The following HAPLN1 variants were observed in gnomAD, a reference collection of about 807,000 sequenced individuals.
The protein encoded by HAPLN1 is Cartilage link protein.
In HAPLN1, 13 loss-of-function variants were observed where a neutral mutation model predicts 36.5. That is an observed-to-expected ratio of 0.36 (90% confidence interval 0.23 to 0.57). The LOEUF (loss-of-function observed/expected upper bound fraction) is 0.57, where lower values mean the gene tolerates loss of function less well. Among genes scored for constraint, HAPLN1 ranks in the 20% least tolerant of loss-of-function variants. The pLI is 0.83. For synonymous variants in HAPLN1, 202 were observed against 169.8 expected (o/e 1.19, Z -1.48); for missense variants, 407 against 439.7 (o/e 0.93, Z 0.66).
intron 1 of HAPLN1, among the ~76,000 whole-genome samples, chr5:83,690,201 C>T (rs964761449): frequency 6.6e-6 from 1 of 151,970 alleles, no homozygotes; most frequent in Non-Finnish European, 1.5e-5. Context: ...CTGAAAATAC[C>T]CTAGACTGTT....
chr5:83,701,488 T>C (rs1298780340), intron 1 of HAPLN1, among the ~76,000 whole-genome samples: 1 of 152,196 alleles, frequency 6.6e-6, no homozygotes, highest in African/African-American at 2.4e-5. Flanking sequence ...TAGGTGGGTG[T>C]TTGGAACACA....
intron 1 of HAPLN1, among the ~76,000 whole-genome samples, chr5:83,697,261 T>C (rs1751409720): frequency 6.6e-6 from 1 of 152,130 alleles, no homozygotes; most frequent in Non-Finnish European, 1.5e-5. Context: ...TAGAGACAGA[T>C]GTATTGACTG....
Position 83,639,641 on chromosome 5 carries a change from G to T in HAPLN1, c.*1855C>A, listed in dbSNP as rs1749622682. Reference sequence around the variant, plus strand: ...TATCATCTCATCCTAGACCATTTAGGTATCTTCCTTAATTTAGAAGTGCAA... The same window carrying T: ...TATCATCTCATCCTAGACCATTTAGTTATCTTCCTTAATTTAGAAGTGCAA... On this transcript the variant is annotated 3_prime_UTR_variant, in exon 5 of 5. Coordinates refer to ENST00000274341, the MANE Select transcript of HAPLN1 (RefSeq NM_001884.4). 1 of 151,906 alleles carries T rather than the reference G, an allele frequency of 6.6e-6. No individual in the cohort carries two copies. The highest frequency in any genetic ancestry group is 2.4e-5 in the African/African-American group (1 of 41,398). The allele number at this position is 151,906 out of a possible 1,614,324, so 9.4% of individuals were successfully genotyped here.
At chr5:83,698,946 C>A (rs1284330430) in intron 1 of HAPLN1, among the ~76,000 whole-genome samples, 1 of 152,164 alleles carries the variant, frequency 6.6e-6, no homozygotes, top group African/African-American at 2.4e-5. Context: ...TAAAGAGCAG[C>A]ATCTCTTGAT....
chr5:83,673,672 G>A, intron 1 of HAPLN1, 123 bp from the exon 2 acceptor site: 1 of 622,722 alleles, frequency 1.6e-6, no homozygotes, highest in Non-Finnish European at 2.8e-6. Flanking sequence ...AACCCAATCT[G>A]TTCAGAAAGT....
intron 1 of HAPLN1, among the ~76,000 whole-genome samples, chr5:83,686,298 T>C (rs1751123468): frequency 6.6e-6 from 1 of 152,158 alleles, no homozygotes; most frequent in Admixed American, 6.5e-5. Context: ...GAGAAAATTA[T>C]GACAGGTAAA....
intron 1 of HAPLN1, among the ~76,000 whole-genome samples, chr5:83,713,318 A>T (rs1751838207): frequency 6.6e-6 from 1 of 152,196 alleles, no homozygotes; most frequent in East Asian, 1.9e-4. Context: ...CACCTTCTAT[A>T]TGCAGAGGAC....
At chr5:83,650,267 A>C (rs1461560371) in intron 3 of HAPLN1, among the ~76,000 whole-genome samples, 1 of 152,220 alleles carries the variant, frequency 6.6e-6, no homozygotes, top group Admixed American at 6.5e-5. Context: ...ATCTTAGAAA[A>C]GGTGTTTGTC....
chr5:83,711,173 C>T (rs1751775518), intron 1 of HAPLN1, among the ~76,000 whole-genome samples: 1 of 151,990 alleles, frequency 6.6e-6, no homozygotes, highest in Admixed American at 6.6e-5. Context: ...AGACCAGAGG[C>T]TAGTTTTAGG....
intron 3 of HAPLN1, among the ~76,000 whole-genome samples, chr5:83,646,504 C>T (rs7720913): frequency 0.06 from 9,075 of 152,254 alleles, 774 homozygotes; most frequent in African/African-American, 0.19. Flanking sequence ...CAAGTCACAT[C>T]CACTGAAGGC....
At chr5:83,702,443 T>C in intron 1 of HAPLN1, among the ~76,000 whole-genome samples, 1 of 152,300 alleles carries the variant, frequency 6.6e-6, no homozygotes, top group Non-Finnish European at 1.5e-5. Flanking sequence ...CTGTAGAGCA[T>C]CTACAAAAGA....
At chr5:83,643,548 C>A (rs1749766796) in intron 4 of HAPLN1, among the ~76,000 whole-genome samples, 1 of 151,984 alleles carries the variant, frequency 6.6e-6, no homozygotes, top group Admixed American at 6.6e-5. Context: ...TCCGCTGTCA[C>A]CATCTTAAAA....
chr5:83,693,335 C>A (rs1450980591), intron 1 of HAPLN1, among the ~76,000 whole-genome samples: 1 of 151,626 alleles, frequency 6.6e-6, no homozygotes, highest in Non-Finnish European at 1.5e-5. Flanking sequence ...AACAAAGACT[C>A]ATAACTAATA....
At chr5:83,663,822 A>G (rs1348429272) in intron 2 of HAPLN1, among the ~76,000 whole-genome samples, 2 of 140,882 alleles carry the variant, frequency 1.4e-5, no homozygotes, top group African/African-American at 5.2e-5. Context: ...TTTTTTTTCA[A>G]ATTGGTTCAT....
chr5:83,667,929 A>C (rs1750599096), intron 2 of HAPLN1, among the ~76,000 whole-genome samples: 1 of 152,252 alleles, frequency 6.6e-6, no homozygotes, highest in Non-Finnish European at 1.5e-5. Flanking sequence ...TGTGGGAGCC[A>C]TGCACAAGAC....
chr5:83,708,782 TA>T (rs1401806023), intron 1 of HAPLN1, among the ~76,000 whole-genome samples: 2 of 152,148 alleles, frequency 1.3e-5, no homozygotes, highest in African/African-American at 4.8e-5. Flanking sequence ...TCTGCTACAT[TA>T]AAAATATTTA....
intron 2 of HAPLN1, among the ~76,000 whole-genome samples, chr5:83,670,298 T>C (rs576529905): frequency 1.3e-3 from 194 of 152,308 alleles, no homozygotes; most frequent in Admixed American, 2.0e-3. Flanking sequence ...AGTAGCCACA[T>C]TGTGACATGA....
chr5:83,664,974 T>C (rs1039474048), intron 2 of HAPLN1, among the ~76,000 whole-genome samples: 4 of 152,194 alleles, frequency 2.6e-5, no homozygotes, highest in African/African-American at 9.6e-5. Context: ...AGACCCTTTG[T>C]TAATGACTGT....
At position 83,640,507 on chromosome 5, in the gene HAPLN1, A is replaced by G. The variant is rs1475166847; in HGVS notation, c.*989T>C. ...AAAGTTGCATCTTTGTTTCTGCATT[A>G]GGGATTCCTTTTATAATGTAATTGA... On this transcript the variant is annotated 3_prime_UTR_variant, in exon 5 of 5. Transcript: ENST00000274341. 1 of 152,208 alleles carries G rather than the reference A, an allele frequency of 6.6e-6. No homozygotes were observed. Among genetic ancestry groups the G allele is most frequent in the Non-Finnish European group, 1.5e-5 (1 of 68,008 alleles). The allele number at this position is 152,208 out of a possible 1,614,324, so 9.4% of individuals were successfully genotyped here.
Sources: allele counts gnomAD v4.1 joint callset (sites outside exome capture counted in the v4.1 genomes callset), GRCh38; gene constraint gnomAD v4.1.1; transcripts MANE v1.5; gene names NCBI Gene and HGNC (gene_info 2026-07-23, HGNC 2026-07-21).